PREPL: variants seen among roughly 807,000 people sequenced by gnomAD.
PREPL encodes prolyl endopeptidase like.
PREPL carries 77 observed loss-of-function variants against 70.6 expected under a neutral mutation model. The observed-to-expected ratio is 1.09, with a 90% CI of 0.91 to 1.32. The LOEUF is 1.32. PREPL is among the 40% of genes most tolerant of loss of function. The pLI, the probability that PREPL is intolerant of heterozygous loss-of-function variation, is 0.00. For synonymous variants in PREPL, 315 were observed against 264.8 expected (o/e 1.19, Z -1.84); for missense variants, 1,002 against 778.2 (o/e 1.29, Z -3.42).
chr2:44,323,829 A>G (rs1011190965), intron 10 of PREPL, among the ~76,000 whole-genome samples: 1 of 152,222 alleles, frequency 6.6e-6, no homozygotes, highest in African/African-American at 2.4e-5. Context: ...TGGTGGTTGG[A>G]ATGTAAAATG....
chr2:44,326,173 A>T (rs1401159665), intron 10 of PREPL, among the ~76,000 whole-genome samples: 2 of 152,276 alleles, frequency 1.3e-5, no homozygotes, highest in South Asian at 4.1e-4. Context: ...CCTTACAAAT[A>T]CAAATGAGCA....
intron 3 of PREPL, 45 bp downstream of exon 3, chr2:44,344,475 G>T: frequency 7.8e-7 from 1 of 1,289,908 alleles, no homozygotes; most frequent in South Asian, 1.5e-5. Context: ...TAAAAAATAT[G>T]AAATCTGAAA....
In PREPL at chr2:44,320,733, CATT is replaced by C; in HGVS notation, c.*620_*622del. On this transcript the variant is annotated 3_prime_UTR_variant, in exon 14 of 14. Transcript: ENST00000409411. ...TACAGCATGCTGCTTGGTGAACAAT[CATT>C]AATTCTTCGATATTTCTGTAGCTTG... The C allele has an allele frequency of 1.0e-6, 1 of 969,524 alleles. No individual in the cohort carries two copies. The highest frequency in any genetic ancestry group is 1.7e-6 in the Non-Finnish European group (1 of 604,358). The allele number at this position is 969,524 out of a possible 1,614,324, so 60.1% of individuals were successfully genotyped here.
At chr2:44,343,604 G>C (rs1281252285) in intron 4 of PREPL, 141 bp downstream of exon 4, 1 of 656,970 alleles carries the variant, frequency 1.5e-6, no homozygotes, top group Non-Finnish European at 2.6e-6. Context: ...CTGAATAAGA[G>C]GTACATAGGA....
rs145322905 is a variant in PREPL, at chr2:44,359,640, G to A, written c.-49+1740C>T. 4.3e-6 allele frequency: 7 copies of A among 1,612,890 alleles called. No individual in the cohort carries two copies. The highest frequency in any genetic ancestry group is 1.7e-4 in the Middle Eastern group (1 of 6,060). On this transcript the variant is annotated intron_variant, in intron 1 of 13. Coordinates refer to ENST00000409411, the MANE Select transcript of PREPL (RefSeq NM_001171613.2). ...GCGAAGTTATAGTGATTCAAATGCT[G>A]TTTCTGCATGCATTTTCCAAGGTGA...
intron 1 of PREPL, among the ~76,000 whole-genome samples, chr2:44,355,400 T>G (rs1165480705): frequency 6.6e-6 from 1 of 152,078 alleles, no homozygotes; most frequent in Non-Finnish European, 1.5e-5. Flanking sequence ...TATAAAAAAA[T>G]TAGCTGGGTG....
chr2:44,359,570 G>A, intron 1 of PREPL: 1 of 1,613,132 alleles, frequency 6.2e-7, no homozygotes, highest in Non-Finnish European at 8.5e-7. Flanking sequence ...AAGACACTTG[G>A]TTAGGTGATA....
rs779352951 is a variant in PREPL, at chr2:44,318,140, G to A, written c.*3216C>T. ...CAGTCTTGCTCCGTCACCCATGCTC[G>A]AGTGCAGTGGCGTGATCTCGGCACA... is the stretch of plus-strand genomic sequence containing the variant. On this transcript the variant is annotated 3_prime_UTR_variant, in exon 14 of 14. Coordinates refer to ENST00000409411, the MANE Select transcript of PREPL (RefSeq NM_001171613.2). The A allele has an allele frequency of 2.7e-5, 12 of 437,320 alleles. No individual in the cohort carries two copies. Among genetic ancestry groups the A allele is most frequent in the Non-Finnish European group, 4.6e-5 (10 of 219,064 alleles). The allele number at this position is 437,320 out of a possible 1,614,324, so 27.1% of individuals were successfully genotyped here. A position where few individuals can be genotyped will look rare whatever the true frequency, so the allele number is the denominator to read the frequency against.
chr2:44,354,467 C>T (rs2104177927), intron 1 of PREPL, among the ~76,000 whole-genome samples: 1 of 152,218 alleles, frequency 6.6e-6, no homozygotes, highest in South Asian at 2.1e-4. Context: ...ACTCCTATGG[C>T]TTCAACTACT....
At chr2:44,325,358 C>T (rs1164860228) in intron 10 of PREPL, among the ~76,000 whole-genome samples, 2 of 152,220 alleles carry the variant, frequency 1.3e-5, no homozygotes, top group African/African-American at 4.8e-5. Context: ...GTGATTTGTG[C>T]TTGGCAGTGG....
chr2:44,330,651 T>C lies in PREPL; in HGVS notation c.1087-1539A>G, dbSNP rs557201938. On this transcript the variant is annotated intron_variant, in intron 8 of 13. Coordinates refer to ENST00000409411, the MANE Select transcript of PREPL (RefSeq NM_001171613.2). ...TTAAAGATTGTCAGAGAAAAATAAA[T>C]GAATTAAAGAAAAAAATTCCTAAGA... Among the ~76,000 whole-genome samples the C allele has an allele frequency of 1.0e-3, 153 of 152,082 alleles. 2 individuals are homozygous for C. Among genetic ancestry groups the C allele is most frequent in the African/African-American group, 3.5e-3 (144 of 41,490 alleles).
At position 44,326,967 on chromosome 2, in the gene PREPL, AAG is replaced by A. The variant is rs757845530; in HGVS notation, c.1263-41_1263-40del. 1.9e-6 allele frequency: 3 copies of A among 1,563,936 alleles called. No individual in the cohort carries two copies. In the South Asian group the frequency reaches 3.4e-5, roughly 18 times the overall value. On this transcript the variant is annotated intron_variant, in intron 9 of 13. Coordinates refer to ENST00000409411, the MANE Select transcript of PREPL (RefSeq NM_001171613.2). Reference sequence around the variant, plus strand: ...GCAAAAAAGTTTTAGTGGAAAAAAAAAGTTAATACTGTAGGCTGGGGTCAGCG... The same window carrying A: ...GCAAAAAAGTTTTAGTGGAAAAAAAATTAATACTGTAGGCTGGGGTCAGCG...
chr2:44,334,296 G>A (rs1334054190), intron 7 of PREPL, among the ~76,000 whole-genome samples: 7 of 152,128 alleles, frequency 4.6e-5, no homozygotes, highest in African/African-American at 1.7e-4. Flanking sequence ...CACTCTACCA[G>A]CAAACTATAG....
Position 44,321,415 on chromosome 2 carries a change from C to A in PREPL, c.1858G>T (p.Glu620Ter). The A allele has an allele frequency of 6.2e-7, 1 of 1,612,960 alleles. No individual in the cohort carries two copies. Among genetic ancestry groups the A allele is most frequent in the South Asian group, 1.1e-5 (1 of 90,992 alleles). Residue 620 changes from glutamate (E) to a stop codon, truncating the protein, a stop_gained, in exon 14 of 14, where the codon GAA becomes TAA. Coordinates refer to ENST00000409411, the MANE Select transcript of PREPL (RefSeq NM_001171613.2). LOFTEE classifies it high-confidence loss of function. ...ACACTGGTGCTGTCAAGTCCAAGTT[C>A]CTCGTACAGGAATTTAATTTGGGCT... The part of the protein sequence containing the change: ...ITAQIKFLYE[E>*]LGLDSTSVFE...
rs1675810841 is a variant in PREPL at position 44,346,256 on chromosome 2, G to C, written c.75+12C>G. The C allele has an allele frequency of 6.2e-7, 1 of 1,601,950 alleles. No individual in the cohort carries two copies. The highest frequency in any genetic ancestry group is 8.5e-7 in the Non-Finnish European group (1 of 1,175,920). On this transcript the variant is annotated intron_variant, in intron 2 of 13. Transcript: ENST00000409411. ...ATCAAAAATTTTTTTTTAAAGACAT[G>C]AGATATCTTACTTCCACATTGATGA...
Position 44,322,509 on chromosome 2 carries a change from CCTAT to C in PREPL, c.1753+218_1753+221del, listed in dbSNP as rs1673074988. ...AATTTCCTGTTTCCTTTGTGTCCTG[CCTAT>C]CTATTTTAATACTGTCCTTTGAAAA... is the stretch of plus-strand genomic sequence containing the variant. On this transcript the variant is annotated intron_variant, in intron 12 of 13. Transcript: ENST00000409411. 2.6e-5 allele frequency among the ~76,000 whole-genome samples: 4 copies of C among 152,224 alleles called. No individual in the cohort carries two copies. In the South Asian group the frequency reaches 8.3e-4, roughly 32 times the overall value.
At position 44,321,441 on chromosome 2, in the gene PREPL, G is replaced by A; in HGVS notation, c.1832C>T (p.Thr611Ile). The change falls in exon 14 of 14, where the codon ACA becomes ATA. Residue 611 changes from threonine to isoleucine, a missense_variant. Thr to Ile is a moderately conservative substitution (Grantham distance 89). Transcript: ENST00000409411. The part of the protein sequence containing the change: ...HVIEDSHKKI[T>I]AQIKFLYEEL... ...CTCGTACAGGAATTTAATTTGGGCT[G>A]TAATCTAAAAGAAACACATTAAAAA... 3 of 1,611,816 alleles carry A rather than the reference G, an allele frequency of 1.9e-6. No homozygotes were observed. The highest frequency in any genetic ancestry group is 2.5e-6 in the Non-Finnish European group (3 of 1,178,294).
At chr2:44,352,839 G>T (rs770187840) in intron 1 of PREPL, among the ~76,000 whole-genome samples, 3 of 152,046 alleles carry the variant, frequency 2.0e-5, no homozygotes, top group Non-Finnish European at 4.4e-5. Flanking sequence ...AAAGACAAAG[G>T]ACACGTAAAG....
chr2:44,337,669 T>C (rs1674773979), intron 7 of PREPL, among the ~76,000 whole-genome samples: 2 of 152,328 alleles, frequency 1.3e-5, no homozygotes, highest in South Asian at 4.1e-4. Context: ...TCAACTCACA[T>C]GTTAATGCTG....
Sources: gnomAD v4.1 joint callset for allele counts (sites outside exome capture counted in the v4.1 genomes callset) on GRCh38, gnomAD v4.1.1 for gene constraint, MANE v1.5 for transcripts, NCBI Gene and HGNC (gene_info 2026-07-23, HGNC 2026-07-21) for gene names.